Variants in TAFA2 observed in about 807,000 individuals in gnomAD.
TAFA2 encodes TAFA chemokine like family member 2.
Under a neutral mutation model 18.8 loss-of-function variants are expected in TAFA2, and 7 were observed. The observed-to-expected ratio is 0.37, with a 90% CI of 0.21 to 0.70. The LOEUF (loss-of-function observed/expected upper bound fraction) is 0.70. Ranked by LOEUF, TAFA2 falls within the 30% of genes least tolerant of loss-of-function variation. TAFA2 has a pLI of 0.53. For missense variants in TAFA2, 122 were observed against 158.1 expected, an observed-to-expected ratio of 0.77 and a Z score of 1.23; for synonymous variants, 60 against 54.2, an observed-to-expected ratio of 1.11 and a Z score of -0.47.
intron 1 of TAFA2, among the ~76,000 whole-genome samples, chr12:62,199,651 A>G (rs931703420): frequency 6.6e-6 from 1 of 152,064 alleles, no homozygotes; most frequent in African/African-American, 2.4e-5. Context: ...TATCGAGTCT[A>G]TCACTAGTGG....
At chr12:61,724,554 G>A (rs944462934) in intron 4 of TAFA2, among the ~76,000 whole-genome samples, 15 of 151,696 alleles carry the variant, frequency 9.9e-5, no homozygotes, top group South Asian at 8.3e-4. Context: ...CCTTCTCCCC[G>A]AGTCCCCAAA....
At chr12:62,002,118 G>A (rs1252579546) in intron 1 of TAFA2, among the ~76,000 whole-genome samples, 1 of 152,082 alleles carries the variant, frequency 6.6e-6, no homozygotes, top group African/African-American at 2.4e-5. Context: ...TAATATGGTG[G>A]GGAAGGTCAC....
At chr12:62,138,087 G>A (rs1011188725) in intron 1 of TAFA2, among the ~76,000 whole-genome samples, 4 of 152,028 alleles carry the variant, frequency 2.6e-5, no homozygotes, top group Admixed American at 6.5e-5. Context: ...CTCAAATGCC[G>A]CCTCCTTTAT....
chr12:61,901,112 T>G (rs1380748929), intron 1 of TAFA2, among the ~76,000 whole-genome samples: 1 of 152,172 alleles, frequency 6.6e-6, no homozygotes, highest in East Asian at 1.9e-4. Flanking sequence ...CAAATATATG[T>G]CTTTATAACA....
rs979087730 is a variant in TAFA2, at chr12:61,937,810, C to T, written c.-1-70384G>A. Among the ~76,000 whole-genome samples the T allele has an allele frequency of 2.0e-5, 3 of 151,848 alleles. 1 individual carries two copies. The highest frequency in any genetic ancestry group is 4.4e-5 in the Non-Finnish European group (3 of 67,936). On this transcript the variant is annotated intron_variant, in intron 1 of 4. Transcript: ENST00000416284. The stretch of plus-strand genomic sequence containing the variant: ...CAAAAACAAAACTAAATAAATGGGA[C>T]CTAATTAAACAAAAAGCTTTTGTAC...
At chr12:61,960,928 C>A (rs955829172) in intron 1 of TAFA2, among the ~76,000 whole-genome samples, 1 of 151,904 alleles carries the variant, frequency 6.6e-6, no homozygotes, top group Non-Finnish European at 1.5e-5. Context: ...TGAGTCTGTT[C>A]TTGCATTGCT....
chr12:62,158,346 C>T (rs1351112925), intron 1 of TAFA2, among the ~76,000 whole-genome samples: 2 of 152,148 alleles, frequency 1.3e-5, no homozygotes, highest in African/African-American at 4.8e-5. Context: ...TGTAATTCTT[C>T]CTCAAATAAT....
intron 1 of TAFA2, among the ~76,000 whole-genome samples, chr12:62,245,958 G>A (rs1424925434): frequency 6.8e-6 from 1 of 147,288 alleles, no homozygotes; most frequent in African/African-American, 2.5e-5. Flanking sequence ...TCTTGGTATT[G>A]TTTTAGCACC....
At chr12:61,760,049 T>G (rs989637720) in intron 2 of TAFA2, among the ~76,000 whole-genome samples, 1 of 147,448 alleles carries the variant, frequency 6.8e-6, no homozygotes, top group East Asian at 2.0e-4. Context: ...GGTAGCCTGA[T>G]AGATGCAGGG....
intron 1 of TAFA2, among the ~76,000 whole-genome samples, chr12:62,081,058 A>G (rs990724219): frequency 2.0e-5 from 3 of 151,988 alleles, no homozygotes; most frequent in African/African-American, 7.2e-5. Flanking sequence ...AGCCGGGCGT[A>G]GTGGGGGGCG....
chr12:62,089,038 C>T (rs931437676), intron 1 of TAFA2, among the ~76,000 whole-genome samples: 1 of 152,044 alleles, frequency 6.6e-6, no homozygotes, highest in Non-Finnish European at 1.5e-5. Flanking sequence ...TGAAAAAAAT[C>T]CTCTGAAGTT....
chr12:61,847,785 G>A (rs148787477), intron 2 of TAFA2, among the ~76,000 whole-genome samples: 1 of 152,204 alleles, frequency 6.6e-6, no homozygotes, highest in African/African-American at 2.4e-5. Context: ...AGGAAAAAAA[G>A]ACCAGCAGTA....
chr12:62,112,313 G>T (rs1869769168), intron 1 of TAFA2, among the ~76,000 whole-genome samples: 1 of 152,060 alleles, frequency 6.6e-6, no homozygotes, highest in Admixed American at 6.6e-5. Context: ...TTGAATATTG[G>T]CTCCACTCTC....
intron 1 of TAFA2, among the ~76,000 whole-genome samples, chr12:61,975,363 A>T (rs1176722163): frequency 1.3e-5 from 2 of 151,430 alleles, no homozygotes; most frequent in African/African-American, 2.4e-5. Context: ...TATGTATTCT[A>T]CTTTCTTTTA....
intron 1 of TAFA2, among the ~76,000 whole-genome samples, chr12:62,207,857 A>C (rs1241139779): frequency 6.6e-6 from 1 of 152,240 alleles, no homozygotes; most frequent in Non-Finnish European, 1.5e-5. Flanking sequence ...AAAGAGACAC[A>C]GCATCAGCTT....
chr12:61,719,996 G>C (rs1235702130), intron 4 of TAFA2, among the ~76,000 whole-genome samples: 1 of 151,384 alleles, frequency 6.6e-6, no homozygotes, highest in African/African-American at 2.4e-5. Context: ...GAAGGATAGG[G>C]CAACACAGAT....
At chr12:61,867,484 T>C in intron 1 of TAFA2, 58 bp from the exon 2 acceptor site, 2 of 1,050,732 alleles carry the variant, frequency 1.9e-6, no homozygotes, top group South Asian at 1.3e-5. Flanking sequence ...TTTTCCCTTA[T>C]GATTGTGCTA....
At chr12:61,985,624 A>C (rs1331447883) in intron 1 of TAFA2, among the ~76,000 whole-genome samples, 4 of 152,216 alleles carry the variant, frequency 2.6e-5, no homozygotes, top group Non-Finnish European at 5.9e-5. Context: ...TTAAAAATAA[A>C]AGAAATAAGT....
chr12:62,238,453 G>A (rs761925678), intron 1 of TAFA2, among the ~76,000 whole-genome samples: 1 of 152,154 alleles, frequency 6.6e-6, no homozygotes, highest in Non-Finnish European at 1.5e-5. Context: ...CAGGCACTGT[G>A]CTAAATATTT....
Sources: gnomAD v4.1 joint callset for allele counts (sites outside exome capture counted in the v4.1 genomes callset) on GRCh38, gnomAD v4.1.1 for gene constraint, MANE v1.5 for transcripts, NCBI Gene and HGNC (gene_info 2026-07-23, HGNC 2026-07-21) for gene names.